KDM6A: variants seen among roughly 807,000 people sequenced by gnomAD.
KDM6A encodes lysine demethylase 6A.
A neutral mutation model predicts 117.6 loss-of-function variants in KDM6A; 11 were observed. The ratio of observed to expected loss-of-function variants is 0.09; its 90% CI spans 0.06 to 0.15. The LOEUF (loss-of-function observed/expected upper bound fraction) is 0.15, where lower values mean the gene tolerates loss of function less well. KDM6A is among the 10% of genes least tolerant of loss of function. The pLI is 1.00. For missense variants in KDM6A, 799 were observed against 1,077.3 expected, an observed-to-expected ratio of 0.74 and a Z score of 3.62; for synonymous variants, 384 against 396.1, an observed-to-expected ratio of 0.97 and a Z score of 0.36.
chrX:45,000,513 G>C (rs755491063), intron 4 of KDM6A, among the ~76,000 whole-genome samples: 1 of 112,164 alleles, frequency 8.9e-6, no homozygotes, highest in Admixed American at 9.4e-5. Flanking sequence ...TGCCACTCCA[G>C]TTATTTGGCA....
At chrX:45,036,964 T>A in intron 7 of KDM6A, among the ~76,000 whole-genome samples, 1 of 113,066 alleles carries the variant, frequency 8.8e-6, no homozygotes, top group Non-Finnish European at 1.9e-5. Context: ...TCATGAGTGC[T>A]ACAAGGTGGT....
intron 2 of KDM6A, among the ~76,000 whole-genome samples, chrX:44,930,401 A>C (rs1228657105): frequency 8.9e-6 from 1 of 111,968 alleles, no homozygotes. Context: ...ATTTTGTTCT[A>C]AACCTCCTGT....
chrX:45,078,932 G>A (rs1007500881), intron 20 of KDM6A, among the ~76,000 whole-genome samples: 3 of 109,968 alleles, frequency 2.7e-5, no homozygotes, highest in African/African-American at 9.9e-5. Context: ...ATTCTTTCTC[G>A]GATGGGATGA....
At chrX:44,994,085 C>A (rs909302020) in intron 4 of KDM6A, among the ~76,000 whole-genome samples, 1 of 111,868 alleles carries the variant, frequency 8.9e-6, no homozygotes, top group Non-Finnish European at 1.9e-5. Flanking sequence ...CCCATAACCT[C>A]ACTTACTTGT....
chrX:44,961,198 A>T (rs1030177895), intron 2 of KDM6A, 86 bp from the exon 3 acceptor site: 8 of 620,868 alleles, frequency 1.3e-5, no homozygotes, highest in African/African-American at 2.3e-5. Flanking sequence ...AGGTGATCGA[A>T]TGGAGGCTAT....
rs1029574134 is a variant in KDM6A, at chrX:44,927,288, A to C, written c.226-33996A>C. Among the ~76,000 whole-genome samples the C allele has an allele frequency of 9.9e-5, 11 of 110,963 alleles. No individual in the cohort carries two copies. In the Admixed American group the frequency reaches 1.1e-3, roughly 11 times the overall value. On this transcript the variant is annotated intron_variant, in intron 2 of 29. Coordinates refer to ENST00000611820, the MANE Select transcript of KDM6A (RefSeq NM_001291415.2). The stretch of plus-strand genomic sequence containing the variant: ...AACCTTCCTTTTTTATTTCCTGAAT[A>C]TTTTCAATATGCAGTTGGTTGAGTC...
At chrX:44,954,320 C>G (rs987649148) in intron 2 of KDM6A, among the ~76,000 whole-genome samples, 4 of 111,330 alleles carry the variant, frequency 3.6e-5, no homozygotes, top group African/African-American at 1.3e-4. Flanking sequence ...GATGCATACA[C>G]TTTTAGGGAT....
At chrX:44,905,187 T>C (rs1326751412) in intron 2 of KDM6A, among the ~76,000 whole-genome samples, 1 of 112,400 alleles carries the variant, frequency 8.9e-6, no homozygotes, top group African/African-American at 3.2e-5. Flanking sequence ...ACATACTACA[T>C]ACATTAACAG....
chrX:44,952,474 T>C (rs942070649), intron 2 of KDM6A, among the ~76,000 whole-genome samples: 2 of 110,348 alleles, frequency 1.8e-5, no homozygotes, highest in Non-Finnish European at 3.8e-5. Context: ...GTTTTCATCA[T>C]GTTGGCCTGG....
At chrX:45,071,431 T>C (rs1478523686) in intron 18 of KDM6A, among the ~76,000 whole-genome samples, 1 of 112,149 alleles carries the variant, frequency 8.9e-6, no homozygotes, top group Non-Finnish European at 1.9e-5. Flanking sequence ...ATATGTCTTA[T>C]TTATTGTTAT....
At chrX:45,019,949 T>G (rs140093656) in intron 5 of KDM6A, among the ~76,000 whole-genome samples, 5,405 of 111,388 alleles carry the variant, frequency 0.049, 336 homozygotes, top group African/African-American at 0.17. Flanking sequence ...AAAGATGAAC[T>G]GATAGACGAA....
chrX:44,910,208 C>T (rs1042432145), intron 2 of KDM6A, among the ~76,000 whole-genome samples: 3 of 111,957 alleles, frequency 2.7e-5, no homozygotes, highest in African/African-American at 6.5e-5. Flanking sequence ...TTTTTTGAGA[C>T]GAAGTCTCGC....
chrX:45,029,930 A>C lies in KDM6A; in HGVS notation c.565-5001A>C, dbSNP rs773622654. Among the ~76,000 whole-genome samples the C allele has an allele frequency of 9.1e-4, 102 of 111,610 alleles. 1 individual carries two copies. The highest frequency in any genetic ancestry group is 7.3e-4 in the Non-Finnish European group (39 of 53,143). ...TAGGTAGGATACAGCTACAGGAAGA[A>C]AGATGAGCAAGAGCTGTAAGATAAA... On this transcript the variant is annotated intron_variant, in intron 6 of 29. Coordinates refer to ENST00000611820, the MANE Select transcript of KDM6A (RefSeq NM_001291415.2).
At chrX:45,026,746 G>A (rs1335325461) in intron 6 of KDM6A, among the ~76,000 whole-genome samples, 1 of 105,252 alleles carries the variant, frequency 9.5e-6, no homozygotes, top group Non-Finnish European at 1.9e-5. Flanking sequence ...CAGGAGAACT[G>A]CTTGAACCTG....
intron 8 of KDM6A, among the ~76,000 whole-genome samples, chrX:45,046,441 G>T (rs964724242): frequency 4.5e-5 from 5 of 111,730 alleles, no homozygotes; most frequent in Non-Finnish European, 9.4e-5. Flanking sequence ...ATAGGTATTA[G>T]CCAGTGTAGT....
chrX:45,024,983 A>G (rs1469211165), intron 6 of KDM6A, among the ~76,000 whole-genome samples: 1 of 112,258 alleles, frequency 8.9e-6, no homozygotes, highest in Non-Finnish European at 1.9e-5. Flanking sequence ...ATTGACCAAT[A>G]AAGATTGTAT....
intron 25 of KDM6A, among the ~76,000 whole-genome samples, chrX:45,087,531 T>G (rs1275335335): frequency 1.8e-5 from 2 of 112,553 alleles, no homozygotes; most frequent in Non-Finnish European, 3.8e-5. Flanking sequence ...ATAACCTGAT[T>G]ACTTTAATCT....
At chrX:44,996,975 C>A (rs925180250) in intron 4 of KDM6A, among the ~76,000 whole-genome samples, 10 of 111,661 alleles carry the variant, frequency 9.0e-5, no homozygotes, top group Non-Finnish European at 1.5e-4. Context: ...GTGTGGCTCG[C>A]TTCTTCAGTG....
chrX:44,921,316 A>G lies in KDM6A; in HGVS notation c.226-39968A>G, dbSNP rs747332552. On this transcript the variant is annotated intron_variant, in intron 2 of 29. Transcript: ENST00000611820. ...TTAGCATCTTGCTTAACTACCGTAC[A>G]ATATCAAGATAAGGAGATTGACATT... 2.7e-5 allele frequency among the ~76,000 whole-genome samples: 3 copies of G among 112,312 alleles called. No homozygotes were observed. The Admixed American group carries it at 2.8e-4, about 11-fold the overall frequency.
Sources: allele counts gnomAD v4.1 joint callset (sites outside exome capture counted in the v4.1 genomes callset), GRCh38; gene constraint gnomAD v4.1.1; transcripts MANE v1.5; gene names NCBI Gene and HGNC (gene_info 2026-07-23, HGNC 2026-07-21).